The following SULF1 variants were observed in gnomAD, a reference collection of about 807,000 sequenced individuals.
SULF1 encodes sulfatase 1.
Under a neutral mutation model 110.5 loss-of-function variants are expected in SULF1, and 46 were observed. The observed-to-expected ratio is 0.42, with a 90% CI of 0.33 to 0.53. The LOEUF is 0.53. Ranked by LOEUF, SULF1 falls within the 20% of genes least tolerant of loss-of-function variation. The pLI, the probability that SULF1 is intolerant of heterozygous loss-of-function variation, is 0.12. For synonymous variants in SULF1, 371 were observed against 387.1 expected (o/e 0.96, Z 0.49); for missense variants, 941 against 1,094.2 (o/e 0.86, Z 1.98).
chr8:69,573,163 T>C (rs886071432), intron 5 of SULF1, among the ~76,000 whole-genome samples: 4 of 152,308 alleles, frequency 2.6e-5, no homozygotes, highest in African/African-American at 9.6e-5. Context: ...GTGGTGGAGC[T>C]GTATTCTTAA....
chr8:69,607,255 G>A (rs1179900479), intron 13 of SULF1, among the ~76,000 whole-genome samples: 2 of 152,184 alleles, frequency 1.3e-5, no homozygotes, highest in Non-Finnish European at 2.9e-5. Context: ...GTTTACTGGT[G>A]GCCCTCAAAC....
chr8:69,497,143 A>G (rs189567201), intron 2 of SULF1, among the ~76,000 whole-genome samples: 2 of 145,974 alleles, frequency 1.4e-5, no homozygotes, highest in East Asian at 4.1e-4. Flanking sequence ...CTAAAACAGA[A>G]TGTTCTTTTC....
chr8:69,621,164 G>GAC lies in SULF1; in HGVS notation c.1508_1509insCA (p.Glu503AspfsTer24), dbSNP rs1809567898. 6.2e-7 allele frequency: 1 copy of GAC among 1,614,074 alleles called. No individual in the cohort carries two copies. Among genetic ancestry groups the GAC allele is most frequent in the Non-Finnish European group, 8.5e-7 (1 of 1,180,042 alleles). On this transcript the variant is annotated frameshift_variant, in exon 14 of 23. Transcript: ENST00000402687. LOFTEE classifies it high-confidence loss of function. ...TCGCGGCTTCCATGACAAAGACAAA[G>GAC]AGTGCAGTTGTAGGGAGTCTGGTTA...
At chr8:69,502,648 T>G (rs1022227469) in intron 3 of SULF1, among the ~76,000 whole-genome samples, 1 of 151,990 alleles carries the variant, frequency 6.6e-6, no homozygotes, top group Non-Finnish European at 1.5e-5. Flanking sequence ...GAATCATTGC[T>G]ATTTGCTTGA....
intron 5 of SULF1, among the ~76,000 whole-genome samples, chr8:69,567,155 T>C (rs1039273895): frequency 3.9e-5 from 6 of 152,048 alleles, no homozygotes; most frequent in Admixed American, 3.9e-4. Context: ...GATAGGCCAC[T>C]GGCAAAAACA....
intron 1 of SULF1, among the ~76,000 whole-genome samples, chr8:69,471,391 A>G (rs1466804941): frequency 1.4e-5 from 2 of 141,256 alleles, no homozygotes; most frequent in African/African-American, 5.4e-5. Flanking sequence ...CCCACCCAGG[A>G]CAGGAAACGA....
At chr8:69,476,082 G>C (rs144641203) in intron 1 of SULF1, among the ~76,000 whole-genome samples, 2,122 of 152,246 alleles carry the variant, frequency 0.014, 51 homozygotes, top group African/African-American at 0.047. Context: ...AAAAAGTCTA[G>C]AGGCAAGAAG....
At chr8:69,589,396 A>G (rs555068885) in intron 8 of SULF1, among the ~76,000 whole-genome samples, 1 of 152,360 alleles carries the variant, frequency 6.6e-6, no homozygotes, top group South Asian at 2.1e-4. Flanking sequence ...AGAGATGCAC[A>G]TAGAGTGAAT....
At chr8:69,604,216 T>C (rs533211737) in intron 12 of SULF1, among the ~76,000 whole-genome samples, 5 of 152,256 alleles carry the variant, frequency 3.3e-5, no homozygotes, top group African/African-American at 1.2e-4. Flanking sequence ...TGGGTGTAGA[T>C]TTACTGTTGC....
At chr8:69,545,963 G>A (rs1051038154) in intron 3 of SULF1, among the ~76,000 whole-genome samples, 3 of 152,172 alleles carry the variant, frequency 2.0e-5, no homozygotes, top group Non-Finnish European at 4.4e-5. Context: ...CCAAAGTGCT[G>A]AGATTACAGG....
chr8:69,578,571 G>T (rs1805804871), intron 6 of SULF1, among the ~76,000 whole-genome samples: 1 of 139,474 alleles, frequency 7.2e-6, no homozygotes, highest in African/African-American at 2.7e-5. Flanking sequence ...AGTCTTCAGG[G>T]CTCTCTCCAG....
intron 22 of SULF1, among the ~76,000 whole-genome samples, chr8:69,650,467 C>T (rs1812246656): frequency 6.6e-6 from 1 of 152,100 alleles, no homozygotes; most frequent in Non-Finnish European, 1.5e-5. Flanking sequence ...AAGACCTTAT[C>T]TCTACTAAAA....
In SULF1 at chr8:69,600,714, G is replaced by T; in HGVS notation, c.846G>T (p.Arg282Ser). 1 of 1,614,002 alleles carries T rather than the reference G, an allele frequency of 6.2e-7. No homozygotes were observed. The change falls in exon 9 of 23, where the codon AGG becomes AGT. Residue 282 changes from arginine (R) to serine (S), a missense_variant. Coordinates refer to ENST00000402687, the MANE Select transcript of SULF1 (RefSeq NM_001128205.2). The stretch of plus-strand genomic sequence containing the variant: ...TTACAAACATTCTACAGCGCAAAAG[G>T]CTCCAGACTTTGATGTCAGTGGATG... ...MEFTNILQRK[R>S]LQTLMSVDDS...
intron 13 of SULF1, among the ~76,000 whole-genome samples, chr8:69,615,041 A>G (rs1808980355): frequency 2.0e-5 from 3 of 152,246 alleles, no homozygotes; most frequent in African/African-American, 7.2e-5. Context: ...AAACTTCAAG[A>G]GCATAGATAA....
At chr8:69,595,243 A>G (rs541598033) in intron 8 of SULF1, among the ~76,000 whole-genome samples, 6 of 152,310 alleles carry the variant, frequency 3.9e-5, no homozygotes, top group Admixed American at 1.3e-4. Context: ...GGACAAAACT[A>G]GAGCTGAAAC....
At chr8:69,488,835 A>G (rs1388552377), upstream of SULF1, among the ~76,000 whole-genome samples, 1 of 152,066 alleles carries the variant, frequency 6.6e-6, no homozygotes, top group African/African-American at 2.4e-5. Flanking sequence ...TGCACCGGGA[A>G]CAGAGTGGAC....
chr8:69,582,949 C>A (rs369575441), intron 6 of SULF1, among the ~76,000 whole-genome samples: 1 of 152,274 alleles, frequency 6.6e-6, no homozygotes. Flanking sequence ...TAAAAGAATT[C>A]CAACTACACG....
intron 3 of SULF1, among the ~76,000 whole-genome samples, chr8:69,537,774 C>T (rs1179256966): frequency 2.0e-5 from 3 of 152,248 alleles, no homozygotes; most frequent in Non-Finnish European, 4.4e-5. Context: ...TACAGGATGA[C>T]GGCAACTTTT....
intron 6 of SULF1, among the ~76,000 whole-genome samples, chr8:69,583,956 G>C (rs1420526814): frequency 6.6e-6 from 1 of 152,214 alleles, no homozygotes; most frequent in Non-Finnish European, 1.5e-5. Context: ...AGAGAGGTGG[G>C]AACCAGAGAG....
Sources: gnomAD v4.1 joint callset for allele counts (sites outside exome capture counted in the v4.1 genomes callset) on GRCh38, gnomAD v4.1.1 for gene constraint, MANE v1.5 for transcripts, NCBI Gene and HGNC (gene_info 2026-07-23, HGNC 2026-07-21) for gene names.